The following TRPC4AP variants were observed in gnomAD, a reference collection of about 807,000 sequenced individuals.
TRPC4AP encodes transient receptor potential cation channel subfamily C member 4 associated protein.
TRPC4AP carries 45 observed loss-of-function variants against 99.0 expected under a neutral mutation model. That is an observed-to-expected ratio of 0.45 (90% CI 0.36 to 0.58). TRPC4AP has a LOEUF of 0.58. Among genes scored for constraint, TRPC4AP ranks in the 20% least tolerant of loss-of-function variants. The pLI, the probability that TRPC4AP is intolerant of heterozygous loss-of-function variation, is 0.00. For missense variants in TRPC4AP, 879 were observed against 985.3 expected (o/e 0.89, Z 1.44); for synonymous variants, 408 against 385.8 (o/e 1.06, Z -0.67).
chr20:35,060,584 CCAAAAAAAA>C (rs1569133089), intron 3 of TRPC4AP, among the ~76,000 whole-genome samples: 1 of 45,864 alleles, frequency 2.2e-5, no homozygotes, highest in Non-Finnish European at 4.3e-5. Flanking sequence ...GACCTTGTCT[CCAAAAAAAA>C]AAAAAAAAAA....
At chr20:35,053,483 A>G (rs2147385172) in intron 5 of TRPC4AP, among the ~76,000 whole-genome samples, 1 of 152,342 alleles carries the variant, frequency 6.6e-6, no homozygotes, top group Non-Finnish European at 1.5e-5. Flanking sequence ...CTTCTTCTAT[A>G]AGGACAATTT....
intron 1 of TRPC4AP, among the ~76,000 whole-genome samples, chr20:35,086,515 G>A (rs1352092387): frequency 1.0e-4 from 4 of 40,174 alleles, no homozygotes; most frequent in African/African-American, 2.9e-4. Flanking sequence ...ATATGTGTGT[G>A]TGTGTATATA....
intron 18 of TRPC4AP, 52 bp downstream of exon 18, chr20:35,003,358 A>G (rs552619241): frequency 1.9e-5 from 30 of 1,610,956 alleles, no homozygotes; most frequent in Non-Finnish European, 2.1e-5. Context: ...CCCCTCTGAG[A>G]GGCCCTGGGT....
intron 3 of TRPC4AP, among the ~76,000 whole-genome samples, chr20:35,060,671 G>A (rs1243774679): frequency 6.7e-6 from 1 of 150,072 alleles, no homozygotes; most frequent in Non-Finnish European, 1.5e-5. Context: ...AGGAATGTAA[G>A]GTTGGTTCAA....
Position 35,008,653 on chromosome 20 carries a change from C to T in TRPC4AP, c.1595+11G>A. ...CCCGCAGAATCGGCAGGTACTTTTC[C>T]CCAGACTCACCTGAAAGACGACTCT... On this transcript the variant is annotated intron_variant, in intron 13 of 18. Transcript: ENST00000252015. 6.2e-7 allele frequency: 1 copy of T among 1,612,200 alleles called. No individual in the cohort carries two copies. Among genetic ancestry groups the T allele is most frequent in the Non-Finnish European group, 8.5e-7 (1 of 1,179,108 alleles).
At chr20:35,007,982 G>A (rs1007315705) in intron 13 of TRPC4AP, among the ~76,000 whole-genome samples, 1 of 152,220 alleles carries the variant, frequency 6.6e-6, no homozygotes, top group Non-Finnish European at 1.5e-5. Context: ...CAATTGAGGG[G>A]CCAGGAATGT....
Position 35,003,160 on chromosome 20 carries a change from A to G in TRPC4AP, c.2380T>C (p.Phe794Leu). The change falls in exon 19 of 19, where the codon TTC becomes CTC. Residue 794 changes from phenylalanine (F) to leucine (L), a missense_variant. Physicochemically the swap from Phe to Leu is conservative, Grantham distance 22. Coordinates refer to ENST00000252015, the MANE Select transcript of TRPC4AP (RefSeq NM_015638.3). ...CTGGCCCAAGGTCACTCCTCAGTGA[A>G]GTCCCTGTCTATGTCCATGTAGGGC... ...EEPYMDIDRD[F>L]TEE 6.2e-7 allele frequency: 1 copy of G among 1,614,196 alleles called. No homozygotes were observed. The highest frequency in any genetic ancestry group is 1.1e-5 in the South Asian group (1 of 91,088).
intron 6 of TRPC4AP, among the ~76,000 whole-genome samples, chr20:35,045,451 G>A (rs2083538661): frequency 6.6e-6 from 1 of 152,084 alleles, no homozygotes; most frequent in African/African-American, 2.4e-5. Context: ...GCTTACTGCA[G>A]ACTCAAACTC....
At chr20:35,008,514 A>C (rs2082561704) in intron 13 of TRPC4AP, 150 bp downstream of exon 13, 1 of 674,416 alleles carries the variant, frequency 1.5e-6, no homozygotes, top group African/African-American at 1.8e-5. Context: ...TCAAAACTAC[A>C]CAAGATGGCA....
At position 35,069,388 on chromosome 20, in the gene TRPC4AP, C is replaced by A. The variant is rs199888242; in HGVS notation, c.322G>T (p.Glu108Ter). Residue 108 changes from glutamate (E) to a stop codon, truncating the protein, a stop_gained, in exon 3 of 19, where the codon GAG becomes TAG. Transcript: ENST00000252015. LOFTEE classifies it high-confidence loss of function. ...LKEISPLLSM[E>*]AMAFVTEERK... The stretch of plus-strand genomic sequence containing the variant: ...TCTTCAGTAACAAATGCCATAGCCT[C>A]CATGGAGAGAAGAGGAGAAATTTCC... The A allele has an allele frequency of 8.1e-6, 13 of 1,611,172 alleles. No individual in the cohort carries two copies. The Admixed American group carries it at 1.3e-4, about 17-fold the overall frequency.
chr20:35,086,533 G>GTATATATATGTGTATATATATATA (rs1308760481), intron 1 of TRPC4AP, among the ~76,000 whole-genome samples: 7 of 73,484 alleles, frequency 9.5e-5, no homozygotes, highest in Non-Finnish European at 1.5e-4. Context: ...ATATGTGTGT[G>GTATATATATGTGTATATATATATA]TGTGTGTGTG....
At chr20:35,005,338 G>A (rs943966802) in intron 16 of TRPC4AP, among the ~76,000 whole-genome samples, 1 of 152,214 alleles carries the variant, frequency 6.6e-6, no homozygotes, top group African/African-American at 2.4e-5. Flanking sequence ...ATGGAAGTGC[G>A]TTAGCAAGTC....
At chr20:35,030,969 C>T (rs1017048915) in intron 8 of TRPC4AP, among the ~76,000 whole-genome samples, 1 of 152,160 alleles carries the variant, frequency 6.6e-6, no homozygotes, top group African/African-American at 2.4e-5. Flanking sequence ...GCTTAATTTC[C>T]AGATGTTTGT....
chr20:35,064,167 T>C (rs949101072), intron 3 of TRPC4AP, among the ~76,000 whole-genome samples: 1 of 152,236 alleles, frequency 6.6e-6, no homozygotes, highest in Admixed American at 6.5e-5. Flanking sequence ...ACATTCCCTA[T>C]ATACGTATGT....
intron 6 of TRPC4AP, among the ~76,000 whole-genome samples, chr20:35,046,408 T>C (rs554742348): frequency 2.4e-4 from 36 of 152,300 alleles, no homozygotes; most frequent in African/African-American, 8.7e-4. Flanking sequence ...TCCCACTAAT[T>C]TACTTCCACT....
At chr20:35,080,104 T>C (rs2084593717) in intron 1 of TRPC4AP, among the ~76,000 whole-genome samples, 1 of 150,434 alleles carries the variant, frequency 6.6e-6, no homozygotes, top group African/African-American at 2.4e-5. Flanking sequence ...ATATAGTATA[T>C]CCATCCAATG....
At chr20:35,016,560 T>C (rs1330625447) in intron 9 of TRPC4AP, among the ~76,000 whole-genome samples, 1 of 152,052 alleles carries the variant, frequency 6.6e-6, no homozygotes, top group African/African-American at 2.4e-5. Flanking sequence ...TGCTTTGCAC[T>C]AGGATAAATT....
intron 7 of TRPC4AP, among the ~76,000 whole-genome samples, chr20:35,038,592 C>T (rs1026150931): frequency 2.5e-4 from 18 of 70,774 alleles, no homozygotes; most frequent in African/African-American, 7.9e-4. Context: ...ACCATCTGTA[C>T]AAACAGGAGT....
At chr20:35,054,915 T>A in intron 5 of TRPC4AP, 61 bp downstream of exon 5, 1 of 1,408,956 alleles carries the variant, frequency 7.1e-7, no homozygotes, top group Non-Finnish European at 1.0e-6. Flanking sequence ...AATATTCCCA[T>A]CTTAAACATT....
Sources: allele counts gnomAD v4.1 joint callset (sites outside exome capture counted in the v4.1 genomes callset), GRCh38; gene constraint gnomAD v4.1.1; transcripts MANE v1.5; gene names NCBI Gene and HGNC (gene_info 2026-07-23, HGNC 2026-07-21).